Variants in SZRD1 observed in about 807,000 individuals in gnomAD.
SZRD1 encodes the protein SUZ RNA binding domain containing 1, also known as SUZ RNA-binding domain-containing.
Under a neutral mutation model 17.6 loss-of-function variants are expected in SZRD1, and 7 were observed. The ratio of observed to expected loss-of-function variants is 0.40; its 90% CI spans 0.23 to 0.75. The LOEUF is 0.75. SZRD1 is among the 30% of genes least tolerant of loss of function. The pLI is 0.38. For missense variants in SZRD1, 178 were observed against 201.8 expected (o/e 0.88, Z 0.71); for synonymous variants, 77 against 77.9 (o/e 0.99, Z 0.06).
chr1:16,368,006 G>C (rs1168893966), intron 1 of SZRD1: 1 of 152,188 alleles, frequency 6.6e-6, no homozygotes, highest in Non-Finnish European at 1.5e-5. Context: ...TTCGCTTGTC[G>C]GAGTCCAGGG....
At chr1:16,384,922 C>A (rs60503452) in intron 1 of SZRD1, among the ~76,000 whole-genome samples, 4,101 of 151,946 alleles carry the variant, frequency 0.027, 184 homozygotes, top group African/African-American at 0.092. Context: ...TGTGGGGCAG[C>A]GATTCATAGG....
rs934298235 is a variant in SZRD1, at chr1:16,391,076, A to G, written c.52-299A>G. ...CCTAAGTTTAGGTTTAGAAGTTGAT[A>G]TGAGTGGCTCTGTGAAAGACAGATT... is the stretch of plus-strand genomic sequence containing the variant. On this transcript the variant is annotated intron_variant, in intron 1 of 3. Coordinates refer to ENST00000401088, the MANE Select transcript of SZRD1 (RefSeq NM_001114600.3). This position sits in a 1 kb window ranked among gnomAD's most constrained non-coding sequence, Gnocchi z 4.3. Among the ~76,000 whole-genome samples, 2 of 152,172 alleles carry G rather than the reference A, an allele frequency of 1.3e-5. No individual in the cohort carries two copies. Among genetic ancestry groups the G allele is most frequent in the East Asian group, 1.9e-4 (1 of 5,198 alleles).
rs2085227553 is a variant in SZRD1 at position 16,391,979 on chromosome 1, C to T, written c.101+555C>T. On this transcript the variant is annotated intron_variant, in intron 2 of 3. Coordinates refer to ENST00000401088, the MANE Select transcript of SZRD1 (RefSeq NM_001114600.3). This position sits in a 1 kb window ranked among gnomAD's most constrained non-coding sequence, Gnocchi z 4.3. ...TTGACTTCGGCTTTCTGCTTTTGGG[C>T]TTAGGGAACCTGTTGGTTTTCCATA... 6.6e-6 allele frequency among the ~76,000 whole-genome samples: 1 copy of T among 152,016 alleles called. No homozygotes were observed. Among genetic ancestry groups the T allele is most frequent in the South Asian group, 2.1e-4 (1 of 4,806 alleles).
At chr1:16,392,399 G>A (rs1023776412) in intron 2 of SZRD1, among the ~76,000 whole-genome samples, 1 of 152,158 alleles carries the variant, frequency 6.6e-6, no homozygotes, top group Non-Finnish European at 1.5e-5. Flanking sequence ...TCCTCCTGTG[G>A]CTTTTGTTTC....
chr1:16,372,367 G>A (rs1040531330), intron 1 of SZRD1, among the ~76,000 whole-genome samples: 5 of 152,088 alleles, frequency 3.3e-5, no homozygotes, highest in African/African-American at 9.7e-5. Context: ...CAGCTACTCC[G>A]GAGGCTGAGG....
At chr1:16,373,681 T>A (rs1231819030) in intron 1 of SZRD1, among the ~76,000 whole-genome samples, 1 of 151,606 alleles carries the variant, frequency 6.6e-6, no homozygotes, top group Non-Finnish European at 1.5e-5. Context: ...TACTGCTGTC[T>A]CGACCTCCCA....
intron 1 of SZRD1, among the ~76,000 whole-genome samples, chr1:16,386,581 C>T (rs1273617180): frequency 6.6e-6 from 1 of 152,170 alleles, no homozygotes; most frequent in Admixed American, 6.5e-5. Context: ...CTCATGATAC[C>T]TGGACAGACT....
At chr1:16,371,449 CTTT>C (rs543590679) in intron 1 of SZRD1, among the ~76,000 whole-genome samples, 7 of 135,432 alleles carry the variant, frequency 5.2e-5, no homozygotes, top group African/African-American at 2.0e-4. Flanking sequence ...CTTTTTTTTC[CTTT>C]TTTTTTTTCC....
chr1:16,386,446 G>A (rs1051201145), intron 1 of SZRD1, among the ~76,000 whole-genome samples: 1 of 152,212 alleles, frequency 6.6e-6, no homozygotes, highest in African/African-American at 2.4e-5. Context: ...TTGCATCTCT[G>A]GGGGAGATGC....
At chr1:16,382,194 T>G (rs980940714) in intron 1 of SZRD1, among the ~76,000 whole-genome samples, 15 of 151,302 alleles carry the variant, frequency 9.9e-5, no homozygotes, top group Admixed American at 6.6e-5. Context: ...GGTGGGTTTT[T>G]TTTTTCTTTT....
At chr1:16,394,982 T>C in intron 3 of SZRD1, 56 bp from the exon 4 acceptor site, 1 of 972,494 alleles carries the variant, frequency 1.0e-6, no homozygotes, top group Admixed American at 2.2e-5. Context: ...AAAGAAATGA[T>C]GGGGGACATC....
chr1:16,382,142 C>T (rs1397870943), intron 1 of SZRD1, among the ~76,000 whole-genome samples: 1 of 151,660 alleles, frequency 6.6e-6, no homozygotes, highest in Admixed American at 6.6e-5. Flanking sequence ...GATATCACCT[C>T]AAAATAGCAC....
At chr1:16,372,769 A>G (rs2082935877) in intron 1 of SZRD1, among the ~76,000 whole-genome samples, 1 of 152,176 alleles carries the variant, frequency 6.6e-6, no homozygotes, top group South Asian at 2.1e-4. Context: ...CCCATCAGTG[A>G]TGCTGGATGG....
At chr1:16,376,052 C>T (rs1332738053) in intron 1 of SZRD1, among the ~76,000 whole-genome samples, 1 of 152,194 alleles carries the variant, frequency 6.6e-6, no homozygotes. Context: ...TGTTGTATGG[C>T]TGCCTACAGC....
At chr1:16,367,582 C>T in intron 1 of SZRD1, 1 of 509,976 alleles carries the variant, frequency 2.0e-6, no homozygotes, top group Non-Finnish European at 3.5e-6. Context: ...GCCTCCTTTC[C>T]TGACCCCCCG....
At chr1:16,374,887 TG>T (rs79155036) in intron 1 of SZRD1, among the ~76,000 whole-genome samples, 4 of 152,218 alleles carry the variant, frequency 2.6e-5, no homozygotes, top group Non-Finnish European at 5.9e-5. Context: ...TGTTTTGTTT[TG>T]TTTTTTTGAG....
rs567936081 is a variant in SZRD1, at chr1:16,384,717, A to G, written c.52-6658A>G. On this transcript the variant is annotated intron_variant, in intron 1 of 3. Coordinates refer to ENST00000401088, the MANE Select transcript of SZRD1 (RefSeq NM_001114600.3). Reference sequence around the variant, plus strand: ...TCAGGGCCGGAACAGGTTGGAAGGTAGTCTCGCCTGCTATCCCTTATTTCT... The same window carrying G: ...TCAGGGCCGGAACAGGTTGGAAGGTGGTCTCGCCTGCTATCCCTTATTTCT... Among the ~76,000 whole-genome samples, 3 of 152,310 alleles carry G rather than the reference A, an allele frequency of 2.0e-5. No homozygotes were observed. In the South Asian group the frequency reaches 6.2e-4, roughly 32 times the overall value.
intron 1 of SZRD1, among the ~76,000 whole-genome samples, chr1:16,383,864 C>T (rs920318641): frequency 7.2e-5 from 11 of 152,146 alleles, no homozygotes; most frequent in Middle Eastern, 3.4e-3. Flanking sequence ...GTGATCCGCC[C>T]GCCTGGGCCT....
chr1:16,378,391 TCTC>T (rs944446629), intron 1 of SZRD1, among the ~76,000 whole-genome samples: 7 of 151,432 alleles, frequency 4.6e-5, no homozygotes, highest in Non-Finnish European at 8.8e-5. Flanking sequence ...TTGAGCAAAT[TCTC>T]CTGCCTCAGC....
Sources: gnomAD v4.1 joint callset for allele counts (sites outside exome capture counted in the v4.1 genomes callset) on GRCh38, gnomAD v4.1.1 for gene constraint, Gnocchi (gnomAD v3.1) non-coding constraint, MANE v1.5 for transcripts, NCBI Gene and HGNC (gene_info 2026-07-23, HGNC 2026-07-21) for gene names.